Variants in PRRC2C observed in about 807,000 individuals in gnomAD.
PRRC2C encodes protein PRRC2C.
A neutral mutation model predicts 317.2 loss-of-function variants in PRRC2C; 72 were observed. The observed-to-expected ratio is 0.23, with a 90% CI of 0.19 to 0.28. The LOEUF (loss-of-function observed/expected upper bound fraction) is 0.28. Ranked by LOEUF, PRRC2C falls within the 10% of genes least tolerant of loss-of-function variation. PRRC2C has a pLI of 1.00. For synonymous variants in PRRC2C, 1,296 were observed against 1,205.9 expected (o/e 1.07, Z -1.55); for missense variants, 3,074 against 3,459.7 (o/e 0.89, Z 2.80).
At chr1:171,496,470 T>C (rs1408730539) in intron 1 of PRRC2C, among the ~76,000 whole-genome samples, 1 of 152,148 alleles carries the variant, frequency 6.6e-6, no homozygotes, top group African/African-American at 2.4e-5. Context: ...CCCAGAGTGC[T>C]AGGATTACAG....
intron 28 of PRRC2C, among the ~76,000 whole-genome samples, chr1:171,583,403 A>G (rs1194063786): frequency 6.6e-6 from 1 of 151,918 alleles, no homozygotes; most frequent in African/African-American, 2.4e-5. Flanking sequence ...TCATCAATAT[A>G]CTTTCATCTA....
In PRRC2C at chr1:171,542,708, C is replaced by G. The variant is rs147811537; in HGVS notation, c.4763+479C>G. 9.2e-5 allele frequency among the ~76,000 whole-genome samples: 14 copies of G among 152,264 alleles called. No homozygotes were observed. The East Asian group carries it at 2.7e-3, about 29-fold the overall frequency. Reference sequence around the variant, plus strand: ...GACACCAATAACATAATTGCCATGGCAATGGATTTTTTTAAAAAAATATTT... The same window carrying G: ...GACACCAATAACATAATTGCCATGGGAATGGATTTTTTTAAAAAAATATTT... On this transcript the variant is annotated intron_variant, in intron 16 of 34. Coordinates refer to ENST00000647382, the MANE Select transcript of PRRC2C (RefSeq NM_001387844.1).
intron 17 of PRRC2C, among the ~76,000 whole-genome samples, chr1:171,549,602 C>T (rs1439326459): frequency 6.6e-6 from 1 of 152,138 alleles, no homozygotes; most frequent in Non-Finnish European, 1.5e-5. Flanking sequence ...CACTCTGTCA[C>T]CCAGGCTGGA....
At chr1:171,561,496 A>G (rs1682703747) in intron 20 of PRRC2C, among the ~76,000 whole-genome samples, 1 of 152,158 alleles carries the variant, frequency 6.6e-6, no homozygotes, top group African/African-American at 2.4e-5. Flanking sequence ...ATTAACTTGG[A>G]GGGCAATTAA....
rs185128378 is a variant in PRRC2C at position 171,552,069 on chromosome 1, C to T, written c.5127+1829C>T. ...ACCTTGGGCAGTATGGCCGTTTTTA[C>T]GATACTGATTCTTTCTATCCATGAG... is the stretch of plus-strand genomic sequence containing the variant. On this transcript the variant is annotated intron_variant, in intron 18 of 34. Transcript: ENST00000647382. Among the ~76,000 whole-genome samples, 349 of 152,256 alleles carry T rather than the reference C, an allele frequency of 2.3e-3. 1 individual carries two copies. The highest frequency in any genetic ancestry group is 7.9e-3 in the African/African-American group (328 of 41,554).
rs1388380462 is a variant in PRRC2C at position 171,540,895 on chromosome 1, C to A, written c.3429C>A (p.Val1143=). The change falls in exon 16 of 35, where the codon GTC becomes GTA. Residue 1143 remains valine (V), a synonymous_variant. Coordinates refer to ENST00000647382, the MANE Select transcript of PRRC2C (RefSeq NM_001387844.1). ...VVKEEKQPEK[V]ISKDLVIERP... is the part of the protein sequence containing the mutation. The stretch of plus-strand genomic sequence containing the variant: ...AAGAAGAAAAACAACCTGAGAAAGT[C>A]ATCAGCAAAGACCTTGTTATAGAGA... The A allele has an allele frequency of 6.2e-6, 10 of 1,613,684 alleles. No individual in the cohort carries two copies. Among genetic ancestry groups the A allele is most frequent in the Non-Finnish European group, 7.6e-6 (9 of 1,179,798 alleles).
intron 17 of PRRC2C, among the ~76,000 whole-genome samples, chr1:171,547,122 A>C (rs1679258363): frequency 6.6e-6 from 1 of 152,066 alleles, no homozygotes; most frequent in South Asian, 2.1e-4. Context: ...CAAAACAAAA[A>C]AGACAGTAAA....
Position 171,547,459 on chromosome 1 carries a change from G to A in PRRC2C, c.4972+1772G>A, listed in dbSNP as rs1358507786. On this transcript the variant is annotated intron_variant, in intron 17 of 34. Transcript: ENST00000647382. Reference sequence around the variant, plus strand: ...TATGATGAGGTCTTTCCATCAGTCTGAAGTAATGTGTGCATGACATCCTTT... The same window carrying A: ...TATGATGAGGTCTTTCCATCAGTCTAAAGTAATGTGTGCATGACATCCTTT... Among the ~76,000 whole-genome samples the A allele has an allele frequency of 2.6e-5, 4 of 152,130 alleles. No homozygotes were observed. The East Asian group carries it at 7.7e-4, about 29-fold the overall frequency.
chr1:171,568,907 A>T (rs540660694), intron 23 of PRRC2C, among the ~76,000 whole-genome samples: 1 of 152,178 alleles, frequency 6.6e-6, no homozygotes, highest in African/African-American at 2.4e-5. Flanking sequence ...GGTGATGTTA[A>T]GTCATGTTGT....
At chr1:171,487,578 A>G (rs1666358938) in intron 1 of PRRC2C, among the ~76,000 whole-genome samples, 1 of 152,142 alleles carries the variant, frequency 6.6e-6, no homozygotes, top group Non-Finnish European at 1.5e-5. Context: ...AACTAACTCT[A>G]CCATGTCGTA....
intron 1 of PRRC2C, among the ~76,000 whole-genome samples, chr1:171,486,635 G>T (rs1666172780): frequency 6.6e-6 from 1 of 152,136 alleles, no homozygotes; most frequent in African/African-American, 2.4e-5. Flanking sequence ...CTGGATTTCC[G>T]CATTGGCTGG....
At chr1:171,500,897 T>G (rs1364389431) in intron 1 of PRRC2C, among the ~76,000 whole-genome samples, 1 of 152,092 alleles carries the variant, frequency 6.6e-6, no homozygotes, top group Non-Finnish European at 1.5e-5. Flanking sequence ...TGCACATGTC[T>G]TGTTTTGTTT....
intron 11 of PRRC2C, among the ~76,000 whole-genome samples, chr1:171,531,698 G>C (rs1675923911): frequency 6.6e-6 from 1 of 152,108 alleles, no homozygotes; most frequent in South Asian, 2.1e-4. Flanking sequence ...TGAAAATTTA[G>C]TCATTGAAAC....
chr1:171,536,366 A>T (rs1193919919), intron 14 of PRRC2C, 88 bp downstream of exon 14: 2 of 1,427,830 alleles, frequency 1.4e-6, no homozygotes, highest in East Asian at 5.0e-5. Flanking sequence ...GTTGTAATCT[A>T]GGAAAAACTT....
At chr1:171,574,093 A>G (rs1685282427) in intron 24 of PRRC2C, among the ~76,000 whole-genome samples, 1 of 152,058 alleles carries the variant, frequency 6.6e-6, no homozygotes, top group Non-Finnish European at 1.5e-5. Context: ...CCTCTCTCAT[A>G]AGTCATTGCA....
At position 171,535,482 on chromosome 1, in the gene PRRC2C, C is replaced by T. The variant is rs1676653578; in HGVS notation, c.1928C>T (p.Thr643Ile). ...QDSNRSEKEA[T>I]PVVHETEPES... is the part of the protein sequence containing the mutation. ...AGCAATCGCAGTGAAAAGGAAGCCA[C>T]ACCAGTGGTGCATGAAACAGAACCA... Residue 643 changes from threonine to isoleucine, a missense_variant, in exon 13 of 35, where the codon ACA becomes ATA. This residue lies in a region of PRRC2C where 1,320 missense variants were observed against 1,395.7 expected (regional missense o/e 0.95). Transcript: ENST00000647382. The T allele has an allele frequency of 1.9e-6, 3 of 1,613,886 alleles. No homozygotes were observed. Among genetic ancestry groups the T allele is most frequent in the Non-Finnish European group, 2.5e-6 (3 of 1,179,880 alleles).
At chr1:171,488,455 A>G (rs560309927) in intron 1 of PRRC2C, among the ~76,000 whole-genome samples, 4 of 152,322 alleles carry the variant, frequency 2.6e-5, no homozygotes, top group South Asian at 4.1e-4. Context: ...GAGCCAGAAC[A>G]CCTTTGTGGA....
At chr1:171,486,635 G>A (rs1666172780) in intron 1 of PRRC2C, among the ~76,000 whole-genome samples, 1 of 152,136 alleles carries the variant, frequency 6.6e-6, no homozygotes, top group African/African-American at 2.4e-5. Flanking sequence ...CTGGATTTCC[G>A]CATTGGCTGG....
intron 18 of PRRC2C, among the ~76,000 whole-genome samples, chr1:171,550,510 C>A (rs557960860): frequency 6.7e-6 from 1 of 149,746 alleles, no homozygotes. Flanking sequence ...GGTACATGTG[C>A]ACAACATGCA....
Sources: allele counts gnomAD v4.1 joint callset (sites outside exome capture counted in the v4.1 genomes callset), GRCh38; gene constraint gnomAD v4.1.1; regional missense constraint gnomAD v4.1.1; transcripts MANE v1.5; gene names NCBI Gene and HGNC (gene_info 2026-07-23, HGNC 2026-07-21).